The following CA10 variants were observed in gnomAD, a reference collection of about 807,000 sequenced individuals.
CA10 encodes the protein carbonic anhydrase-related protein 10.
A neutral mutation model predicts 44.2 loss-of-function variants in CA10; 14 were observed. The ratio of observed to expected loss-of-function variants is 0.32; its 90% confidence interval spans 0.21 to 0.50. The LOEUF is 0.50. Among genes scored for constraint, CA10 ranks in the 20% least tolerant of loss-of-function variants. The pLI is 0.99. For synonymous variants in CA10, 159 were observed against 141.6 expected, an observed-to-expected ratio of 1.12 and a Z score of -0.87; for missense variants, 350 against 409.7, an observed-to-expected ratio of 0.85 and a Z score of 1.26.
intron 1 of CA10, among the ~76,000 whole-genome samples, chr17:52,146,387 C>CCATG (rs1567748153): frequency 2.6e-5 from 4 of 151,928 alleles, no homozygotes; most frequent in African/African-American, 7.3e-5. Flanking sequence ...TGGTGAAACA[C>CCATG]CATGGTAAAA....
intron 3 of CA10, among the ~76,000 whole-genome samples, chr17:51,871,412 T>C (rs1187766021): frequency 3.4e-3 from 495 of 145,188 alleles, no homozygotes; most frequent in African/African-American, 0.012. Context: ...TTTTTTTTTT[T>C]TTTTTTTAGT....
chr17:52,156,637 A>G (rs1406751904), intron 1 of CA10, among the ~76,000 whole-genome samples: 1 of 152,196 alleles, frequency 6.6e-6, no homozygotes, highest in Non-Finnish European at 1.5e-5. Context: ...GGCAGGAAAC[A>G]TGTCTCTCCA....
chr17:51,893,497 CAAAG>C (rs1980946967), intron 3 of CA10, among the ~76,000 whole-genome samples: 1 of 152,004 alleles, frequency 6.6e-6, no homozygotes, highest in South Asian at 2.1e-4. Flanking sequence ...GTCAAACTAC[CAAAG>C]AGAGTCTGGT....
At chr17:51,671,357 G>GC (rs1432516552) in intron 4 of CA10, among the ~76,000 whole-genome samples, 1 of 151,892 alleles carries the variant, frequency 6.6e-6, no homozygotes, top group Non-Finnish European at 1.5e-5. Flanking sequence ...GCTTTTTGAT[G>GC]CCCCCTGAAC....
At chr17:51,761,259 T>C (rs1270652459) in intron 3 of CA10, 1 of 152,166 alleles carries the variant, frequency 6.6e-6, no homozygotes, top group African/African-American at 2.4e-5. Context: ...TTTTTCTTTT[T>C]GAGTGTGTGA....
At chr17:51,975,578 G>A (rs1486694852) in intron 2 of CA10, among the ~76,000 whole-genome samples, 1 of 152,212 alleles carries the variant, frequency 6.6e-6, no homozygotes, top group Non-Finnish European at 1.5e-5. Context: ...TACTCGAGAG[G>A]CTGAGGCAGG....
At chr17:51,678,617 A>G (rs1359712484) in intron 4 of CA10, among the ~76,000 whole-genome samples, 1 of 152,244 alleles carries the variant, frequency 6.6e-6, no homozygotes, top group East Asian at 1.9e-4. Flanking sequence ...GGTAAAAATC[A>G]GGAACTATGA....
chr17:51,668,852 G>A (rs59484101), intron 4 of CA10, among the ~76,000 whole-genome samples: 25,181 of 152,176 alleles, frequency 0.17, 2,211 homozygotes, highest in South Asian at 0.27. Flanking sequence ...GGCTCAGCGC[G>A]CCCACACTTG....
At chr17:51,850,011 AC>A (rs1408406448) in intron 3 of CA10, among the ~76,000 whole-genome samples, 1 of 152,356 alleles carries the variant, frequency 6.6e-6, no homozygotes, top group Admixed American at 6.5e-5. Context: ...TGCTTCAAGG[AC>A]AGGGAAATAC....
intron 3 of CA10, among the ~76,000 whole-genome samples, chr17:51,789,838 C>A (rs1365687631): frequency 6.6e-6 from 1 of 152,216 alleles, no homozygotes; most frequent in African/African-American, 2.4e-5. Flanking sequence ...GCCTGTGAAA[C>A]CCAGCAAATG....
chr17:51,991,926 G>A (rs767503148), intron 2 of CA10, among the ~76,000 whole-genome samples: 4 of 151,822 alleles, frequency 2.6e-5, no homozygotes, highest in East Asian at 1.9e-4. Flanking sequence ...CTATCTCTGC[G>A]GCCCTCCATC....
At chr17:52,103,558 C>T (rs932804581) in intron 1 of CA10, among the ~76,000 whole-genome samples, 3 of 152,160 alleles carry the variant, frequency 2.0e-5, no homozygotes, top group Non-Finnish European at 4.4e-5. Flanking sequence ...CCCGAGACTG[C>T]TGACCCTTAA....
At chr17:51,913,417 A>G (rs149789055) in intron 3 of CA10, among the ~76,000 whole-genome samples, 5 of 152,240 alleles carry the variant, frequency 3.3e-5, no homozygotes, top group Admixed American at 1.3e-4. Context: ...GTTCACTCAA[A>G]TGGTATCCTA....
intron 3 of CA10, among the ~76,000 whole-genome samples, chr17:51,925,180 G>T (rs1265332118): frequency 6.6e-6 from 1 of 152,074 alleles, no homozygotes; most frequent in Non-Finnish European, 1.5e-5. Flanking sequence ...GCAAGCCACT[G>T]CACCCTGCTT....
chr17:52,146,372 C>A (rs2143397605), intron 1 of CA10, among the ~76,000 whole-genome samples: 1 of 152,140 alleles, frequency 6.6e-6, no homozygotes, highest in Non-Finnish European at 1.5e-5. Context: ...CCAGCCTGAC[C>A]AATGTGGTGA....
chr17:51,742,800 G>T, intron 4 of CA10, among the ~76,000 whole-genome samples: 1 of 152,198 alleles, frequency 6.6e-6, no homozygotes, highest in East Asian at 1.9e-4. Context: ...AGAGATTCCA[G>T]AGGCTGAGAG....
At chr17:51,849,822 G>T (rs368452349) in intron 3 of CA10, among the ~76,000 whole-genome samples, 2 of 152,094 alleles carry the variant, frequency 1.3e-5, no homozygotes, top group Admixed American at 6.6e-5. Flanking sequence ...CTGTCATGCC[G>T]AGGGCTGTGA....
chr17:52,018,703 T>C (rs1986044507), intron 2 of CA10, among the ~76,000 whole-genome samples: 1 of 152,120 alleles, frequency 6.6e-6, no homozygotes, highest in East Asian at 1.9e-4. Context: ...GTTAAGATTT[T>C]GGAGGACTAT....
chr17:52,129,572 C>G (rs1238851618), intron 1 of CA10, among the ~76,000 whole-genome samples: 1 of 152,212 alleles, frequency 6.6e-6, no homozygotes, highest in African/African-American at 2.4e-5. Context: ...AATCTAAGAG[C>G]TTAACCAGTG....
Sources: gnomAD v4.1 joint callset for allele counts (sites outside exome capture counted in the v4.1 genomes callset) on GRCh38, gnomAD v4.1.1 for gene constraint, MANE v1.5 for transcripts, NCBI Gene and HGNC (gene_info 2026-07-23, HGNC 2026-07-21) for gene names.